The following PCDHA7 variants were observed in gnomAD, a reference collection of about 807,000 sequenced individuals.
PCDHA7 encodes protocadherin alpha 7.
Under a neutral mutation model 57.2 loss-of-function variants are expected in PCDHA7, and 37 were observed. That is an observed-to-expected ratio of 0.65 (90% CI 0.50 to 0.85). The LOEUF is 0.85. PCDHA7 is among the 40% of genes least tolerant of loss of function. The pLI is 0.00. For synonymous variants in PCDHA7, 553 were observed against 558.8 expected (o/e 0.99, Z 0.15); for missense variants, 1,188 against 1,241.8 (o/e 0.96, Z 0.65).
chr5:140,841,903 C>T lies in PCDHA7; in HGVS notation c.2355+5165C>T, dbSNP rs1318755251. ...ACGATGAGAATAAACTGGTTGAGCT[C>T]GTATTAAGAAAATCCTTGGACAGAG... On this transcript the variant is annotated intron_variant, in intron 1 of 3. Transcript: ENST00000525929. 1.4e-5 allele frequency: 22 copies of T among 1,613,682 alleles called. 1 individual carries two copies. Among genetic ancestry groups the T allele is most frequent in the Non-Finnish European group, 1.9e-5 (22 of 1,179,842 alleles).
In PCDHA7 at chr5:140,855,922, T is replaced by C. The variant is rs2043674213; in HGVS notation, c.2355+19184T>C. ...AGCCAGTTTCTCAAGGACTAGGAAG[T>C]AGCGTCATTCTGAGATCTCAGCCAT... On this transcript the variant is annotated intron_variant, in intron 1 of 3. Transcript: ENST00000525929. The C allele has an allele frequency of 3.3e-6, 4 of 1,227,726 alleles. No homozygotes were observed. In the Admixed American group the frequency reaches 1.0e-4, roughly 31 times the overall value. The allele number at this position is 1,227,726 out of a possible 1,614,324, so 76.1% of individuals were successfully genotyped here.
intron 1 of PCDHA7, chr5:140,869,756 GA>G: frequency 6.2e-7 from 1 of 1,613,194 alleles, no homozygotes; most frequent in South Asian, 1.1e-5. Context: ...ACAGACGGGG[GA>G]AAACCAGAGC....
intron 1 of PCDHA7, chr5:140,849,857 G>T (rs2150454251): frequency 1.9e-6 from 3 of 1,598,510 alleles, no homozygotes; most frequent in African/African-American, 2.7e-5. Context: ...ACGCACCAGC[G>T]TTCGCGCAGT....
At chr5:140,964,173 C>A (rs1052958313) in intron 1 of PCDHA7, among the ~76,000 whole-genome samples, 5 of 152,174 alleles carry the variant, frequency 3.3e-5, no homozygotes, top group Non-Finnish European at 7.4e-5. Context: ...GGAACGAAAT[C>A]ATTATAGTGC....
Position 140,838,073 on chromosome 5 carries a change from ATATAGTGTGTGT to A in PCDHA7, c.2355+1336_2355+1347del, listed in dbSNP as rs1161120523. Among the ~76,000 whole-genome samples the A allele has an allele frequency of 1.4e-3, 180 of 126,834 alleles. 3 individuals are homozygous for A. Among genetic ancestry groups the A allele is most frequent in the South Asian group, 4.9e-3 (18 of 3,638 alleles). The allele number at this position is 126,834 out of a possible 152,430, so 83.2% of individuals were successfully genotyped here. ...TGGTTTTCCACTTTAAGTTATATATATATAGTGTGTGTGTGTGTGTGTGTGTGTGTGTGTGTG... is the reference window on the plus strand; with the variant it reads ...TGGTTTTCCACTTTAAGTTATATATAGTGTGTGTGTGTGTGTGTGTGTGTG... On this transcript the variant is annotated intron_variant, in intron 1 of 3. Coordinates refer to ENST00000525929, the MANE Select transcript of PCDHA7 (RefSeq NM_018910.3).
intron 1 of PCDHA7, among the ~76,000 whole-genome samples, chr5:140,908,583 T>C (rs1245727862): frequency 1.3e-5 from 2 of 152,088 alleles, no homozygotes; most frequent in Admixed American, 1.3e-4. Context: ...GGAGAGTAGT[T>C]AGCTGCAGAA....
In PCDHA7 at chr5:140,850,201, G is replaced by A. The variant is rs202136378; in HGVS notation, c.2355+13463G>A. The A allele has an allele frequency of 1.6e-5, 25 of 1,593,494 alleles. 3 individuals carry two copies. Among genetic ancestry groups the A allele is most frequent in the Middle Eastern group, 2.1e-4 (1 of 4,666 alleles). On this transcript the variant is annotated intron_variant, in intron 1 of 3. Coordinates refer to ENST00000525929, the MANE Select transcript of PCDHA7 (RefSeq NM_018910.3). ...AATGCGCCGGCGCTGCTGACACCTC[G>A]GATGAGGGGCACTGACGGCGCAGTG...
chr5:140,927,972 T>C, intron 1 of PCDHA7: 1 of 1,614,190 alleles, frequency 6.2e-7, no homozygotes, highest in Non-Finnish European at 8.5e-7. Context: ...CAGTGATTGC[T>C]CTCTTTAGTG....
intron 1 of PCDHA7, among the ~76,000 whole-genome samples, chr5:140,922,316 A>T (rs983729529): frequency 6.6e-6 from 1 of 152,248 alleles, no homozygotes; most frequent in Non-Finnish European, 1.5e-5. Flanking sequence ...TTCACTGAAG[A>T]TCTTGGAAAG....
chr5:140,872,792 G>T (rs1474880199), intron 1 of PCDHA7, among the ~76,000 whole-genome samples: 1 of 152,054 alleles, frequency 6.6e-6, no homozygotes, highest in African/African-American at 2.4e-5. Context: ...ATGCTAGTTG[G>T]CATTCTTCCA....
chr5:140,986,413 C>G (rs2097199513), intron 3 of PCDHA7, among the ~76,000 whole-genome samples: 1 of 152,156 alleles, frequency 6.6e-6, no homozygotes, highest in African/African-American at 2.4e-5. Context: ...TGTTACAGCT[C>G]TTTTTAACTT....
chr5:140,973,078 C>T (rs111586419), intron 1 of PCDHA7, among the ~76,000 whole-genome samples: 5,544 of 152,208 alleles, frequency 0.036, 303 homozygotes, highest in African/African-American at 0.12. Context: ...GTGGGCCCAG[C>T]TGGCACAACA....
chr5:140,842,759 C>A (rs2150343672), intron 1 of PCDHA7: 1 of 1,594,806 alleles, frequency 6.3e-7, no homozygotes, highest in East Asian at 2.2e-5. Flanking sequence ...GGTGTCTGCG[C>A]GAGACGCGGA....
At chr5:140,876,086 C>G (rs371336139) in intron 1 of PCDHA7, 7 of 1,613,778 alleles carry the variant, frequency 4.3e-6, no homozygotes, top group Non-Finnish European at 1.7e-6. Flanking sequence ...AGAGAGCAAA[C>G]GCCAAAACTC....
In PCDHA7 at chr5:140,836,004, G is replaced by T. The variant is rs1554135533; in HGVS notation, c.1621G>T (p.Gly541Cys). The change falls in exon 1 of 4, where the codon GGC becomes TGC. Residue 541 changes from glycine (G) to cysteine (C), a missense_variant. This residue lies in a region of PCDHA7 where 892 missense variants were observed against 788.5 expected (regional missense o/e 1.13). Transcript: ENST00000525929. ...LQFQVSARDA[G>C]VPPLGSNVTL... ...GTTCCAGGTGAGCGCGCGCGATGCG[G>T]GCGTGCCGCCTCTGGGCAGCAACGT... is the stretch of plus-strand genomic sequence containing the variant. 1.9e-6 allele frequency: 3 copies of T among 1,613,274 alleles called. No homozygotes were observed. The African/African-American group carries it at 4.0e-5, about 22-fold the overall frequency.
intron 1 of PCDHA7, chr5:140,850,572 C>T: frequency 6.3e-7 from 1 of 1,598,416 alleles, no homozygotes; most frequent in South Asian, 1.1e-5. Flanking sequence ...CGAGGTGACG[C>T]TGGTGGATGT....
intron 1 of PCDHA7, among the ~76,000 whole-genome samples, chr5:140,902,174 T>C (rs1191904492): frequency 1.3e-5 from 2 of 151,720 alleles, no homozygotes; most frequent in Non-Finnish European, 2.9e-5. Context: ...AATTTGGATG[T>C]CCTTTATGTC....
intron 1 of PCDHA7, chr5:140,857,350 G>C: frequency 6.3e-7 from 1 of 1,598,502 alleles, no homozygotes; most frequent in Non-Finnish European, 8.6e-7. Context: ...CGCCTCCGCT[G>C]TGGGCCACGG....
intron 1 of PCDHA7, chr5:140,883,600 G>A (rs2059695358): frequency 6.2e-7 from 1 of 1,613,890 alleles, no homozygotes; most frequent in Non-Finnish European, 8.5e-7. Flanking sequence ...TGTCGGTGGG[G>A]GTGGCCGACG....
Sources: allele counts gnomAD v4.1 joint callset (sites outside exome capture counted in the v4.1 genomes callset), GRCh38; gene constraint gnomAD v4.1.1; regional missense constraint gnomAD v4.1.1; transcripts MANE v1.5; gene names NCBI Gene and HGNC (gene_info 2026-07-23, HGNC 2026-07-21).